The following ZNF676 variants were observed in gnomAD, a reference collection of about 807,000 sequenced individuals.
ZNF676 encodes zinc finger protein 676.
In ZNF676, 4 loss-of-function variants were observed where a neutral mutation model predicts 6.0. That is an observed-to-expected ratio of 0.67 (90% CI 0.33 to 1.53). ZNF676 has a LOEUF of 1.53. Among genes scored for constraint, ZNF676 ranks in the 40% most tolerant of loss-of-function variants. The pLI is 0.06. For synonymous variants in ZNF676, 198 were observed against 223.1 expected (o/e 0.89, Z 1.00); for missense variants, 644 against 679.7 (o/e 0.95, Z 0.58).
At chr19:22,215,086 A>C (rs1226192234) in intron 1 of ZNF676, among the ~76,000 whole-genome samples, 1 of 151,558 alleles carries the variant, frequency 6.6e-6, no homozygotes, top group African/African-American at 2.4e-5. Flanking sequence ...AAACTACATA[A>C]CTGTACCTAA....
At chr19:22,202,363 T>C (rs978621316) in intron 1 of ZNF676, among the ~76,000 whole-genome samples, 12 of 152,176 alleles carry the variant, frequency 7.9e-5, no homozygotes, top group African/African-American at 2.9e-4. Context: ...CTGCAGAGGA[T>C]GATAGATACC....
chr19:22,215,499 G>A, intron 1 of ZNF676: 1 of 1,029,794 alleles, frequency 9.7e-7, no homozygotes, highest in Non-Finnish European at 1.5e-6. Context: ...GGCTGAAGGG[G>A]ACTGAGGTCG....
Position 22,180,020 on chromosome 19 carries a change from C to A in ZNF676, c.1697G>T (p.Cys566Phe). The part of the protein sequence containing the change: ...TGEKPYKCEE[C>F]GKAFKSSSTV... ...TGAGGATGACTTAAAAGCTTTGCCACATTCTTCACATTTGTAGGGTTTCTC... is the reference window on the plus strand; with the variant it reads ...TGAGGATGACTTAAAAGCTTTGCCAAATTCTTCACATTTGTAGGGTTTCTC... The change falls in exon 3 of 3, where the codon TGT becomes TTT. Residue 566 changes from cysteine (C) to phenylalanine (F), a missense_variant. Coordinates refer to ENST00000397121, the MANE Select transcript of ZNF676 (RefSeq NM_001001411.3). 6.2e-7 allele frequency: 1 copy of A among 1,613,938 alleles called. No individual in the cohort carries two copies. Among genetic ancestry groups the A allele is most frequent in the East Asian group, 2.2e-5 (1 of 44,870 alleles).
intron 1 of ZNF676, among the ~76,000 whole-genome samples, chr19:22,213,398 C>G (rs2024150468): frequency 6.6e-6 from 1 of 152,178 alleles, no homozygotes; most frequent in African/African-American, 2.4e-5. Flanking sequence ...AGCAATGTGT[C>G]TCCAAGAAAT....
At chr19:22,198,134 C>T (rs2023989428), upstream of ZNF676, among the ~76,000 whole-genome samples, 1 of 152,090 alleles carries the variant, frequency 6.6e-6, no homozygotes, top group Non-Finnish European at 1.5e-5. Flanking sequence ...TAATAAAGAA[C>T]ACAGATGAAA....
chr19:22,251,968 ATTG>A, the ZNF676 span, among the ~76,000 whole-genome samples: 2 of 152,136 alleles, frequency 1.3e-5, no homozygotes, highest in African/African-American at 2.4e-5. Context: ...TGTGGATTAT[ATTG>A]TTGTTGTGCT....
intron 2 of ZNF676, 30 bp from the exon 3 acceptor site, chr19:22,181,616 C>A: frequency 6.8e-7 from 1 of 1,460,748 alleles, no homozygotes; most frequent in Non-Finnish European, 9.1e-7. Flanking sequence ...ACAAATTAAT[C>A]TACATATTAG....
At chr19:22,247,933 T>C in the ZNF676 span, among the ~76,000 whole-genome samples, 1 of 143,516 alleles carries the variant, frequency 7.0e-6, no homozygotes, top group East Asian at 2.3e-4. Context: ...TGTGTGATGT[T>C]CCCCTTCCTG....
chr19:22,256,888 T>C, the ZNF676 span, among the ~76,000 whole-genome samples: 1 of 152,086 alleles, frequency 6.6e-6, no homozygotes, highest in Non-Finnish European at 1.5e-5. Flanking sequence ...CCCAGCCATA[T>C]GTCACAATAC....
chr19:22,246,664 A>G, the ZNF676 span, among the ~76,000 whole-genome samples: 1 of 152,222 alleles, frequency 6.6e-6, no homozygotes, highest in East Asian at 1.9e-4. Context: ...GGAAGGTCTC[A>G]GGAAAAGAGA....
the ZNF676 span, among the ~76,000 whole-genome samples, chr19:22,252,499 C>T: frequency 7.3e-5 from 11 of 151,314 alleles, no homozygotes; most frequent in African/African-American, 2.7e-4. Flanking sequence ...TATAACCCCT[C>T]ACTGGGCACA....
the ZNF676 span, among the ~76,000 whole-genome samples, chr19:22,257,164 T>C: frequency 6.6e-6 from 1 of 152,106 alleles, no homozygotes; most frequent in Non-Finnish European, 1.5e-5. Context: ...TCACCTAGTT[T>C]CTGGGACCAG....
At chr19:22,193,425 C>G (rs73930528) in intron 1 of ZNF676, among the ~76,000 whole-genome samples, 1 of 151,952 alleles carries the variant, frequency 6.6e-6, no homozygotes, top group African/African-American at 2.4e-5. Flanking sequence ...GAAATGGGTT[C>G]GTCAAAAAGG....
At chr19:22,245,809 A>G in the ZNF676 span, among the ~76,000 whole-genome samples, 108 of 152,238 alleles carry the variant, frequency 7.1e-4, 1 homozygote, top group South Asian at 3.1e-3. Flanking sequence ...ATATCACAAT[A>G]CACAGCATAT....
chr19:22,220,429 A>G (rs533924784), upstream of ZNF676, among the ~76,000 whole-genome samples: 8 of 149,202 alleles, frequency 5.4e-5, no homozygotes, highest in South Asian at 1.5e-3. Context: ...TGAGCTATGA[A>G]TCCATCTTGT....
At chr19:22,236,913 C>T in the ZNF676 span, among the ~76,000 whole-genome samples, 1 of 152,176 alleles carries the variant, frequency 6.6e-6, no homozygotes, top group Non-Finnish European at 1.5e-5. Flanking sequence ...GGTTGAGTGC[C>T]ACCACTTGGC....
chr19:22,214,789 C>T (rs887921469), intron 1 of ZNF676, among the ~76,000 whole-genome samples: 1 of 151,614 alleles, frequency 6.6e-6, no homozygotes, highest in African/African-American at 2.4e-5. Flanking sequence ...CCTATAATCC[C>T]AGCACTTTGG....
upstream of ZNF676, among the ~76,000 whole-genome samples, chr19:22,200,563 G>A (rs1415162013): frequency 1.6e-5 from 2 of 122,134 alleles, no homozygotes; most frequent in Non-Finnish European, 3.2e-5. Flanking sequence ...TTGTTGCGGA[G>A]GCTGGAGTGC....
At chr19:22,251,604 A>G in the ZNF676 span, among the ~76,000 whole-genome samples, 1 of 152,250 alleles carries the variant, frequency 6.6e-6, no homozygotes, top group East Asian at 1.9e-4. Context: ...CCTGGCCCAC[A>G]TGGTGAAACC....
Sources: gnomAD v4.1 joint callset for allele counts (sites outside exome capture counted in the v4.1 genomes callset) on GRCh38, gnomAD v4.1.1 for gene constraint, MANE v1.5 for transcripts, NCBI Gene and HGNC (gene_info 2026-07-23, HGNC 2026-07-21) for gene names.